The following BICDL2 variants were observed in gnomAD, a reference collection of about 807,000 sequenced individuals.
BICDL2 encodes BICD family-like cargo adapter 2.
A neutral mutation model predicts 56.6 loss-of-function variants in BICDL2; 62 were observed. The observed-to-expected ratio is 1.10, with a 90% CI of 0.89 to 1.35. The LOEUF (loss-of-function observed/expected upper bound fraction) is 1.35. BICDL2 is among the 40% of genes most tolerant of loss of function. The pLI, the probability that BICDL2 is intolerant of heterozygous loss-of-function variation, is 0.00. For missense variants in BICDL2, 808 were observed against 684.5 expected (o/e 1.18, Z -2.01); for synonymous variants, 358 against 319.8 (o/e 1.12, Z -1.27).
At chr16:3,031,638 G>C (rs1476062033) in intron 2 of BICDL2, 1 of 403,538 alleles carries the variant, frequency 2.5e-6, no homozygotes, top group East Asian at 3.5e-5. Context: ...ACCAGCGGGG[G>C]AATGCCCTGG....
At position 3,030,650 on chromosome 16, in the gene BICDL2, C is replaced by G. The variant is rs201834174; in HGVS notation, c.615+46G>C. 1,333 of 1,594,526 alleles carry G rather than the reference C, an allele frequency of 8.4e-4. 1 individual carries two copies. The highest frequency in any genetic ancestry group is 1.1e-3 in the African/African-American group (85 of 74,572). On this transcript the variant is annotated intron_variant, in intron 4 of 9. Coordinates refer to ENST00000572449, the MANE Select transcript of BICDL2 (RefSeq NM_001369667.1). ...GGGCAGCCCCTCCCAGCCCTCAGCC[C>G]GGCTTTTTTGGCTCAGATAATCCCC...
In BICDL2 at chr16:3,028,126, T is replaced by C. The variant is rs1484064005; in HGVS notation, c.1507A>G (p.Asn503Asp). The C allele has an allele frequency of 6.9e-7, 1 of 1,440,898 alleles. No homozygotes were observed. Among genetic ancestry groups the C allele is most frequent in the Non-Finnish European group, 9.1e-7 (1 of 1,104,182 alleles). The allele number at this position is 1,440,898 out of a possible 1,614,324, so 89.3% of individuals were successfully genotyped here. ...AGCCGTCAGGTCCTTCGGAAGAGGT[T>C]ACTGAGAAAGCCACCGGCGGGCCCG... ...GPGPAGGFLS[N>D]LFRRT Residue 503 changes from asparagine (N) to aspartate (D), a missense_variant, in exon 10 of 10, where the codon AAC becomes GAC. Coordinates refer to ENST00000572449, the MANE Select transcript of BICDL2 (RefSeq NM_001369667.1).
At position 3,030,550 on chromosome 16, in the gene BICDL2, G is replaced by A. The variant is rs752116624; in HGVS notation, c.661C>T (p.Arg221Ter). Residue 221 changes from arginine (R) to a stop codon, truncating the protein, a stop_gained, in exon 5 of 10, where the codon CGA becomes TGA. Coordinates refer to ENST00000572449, the MANE Select transcript of BICDL2 (RefSeq NM_001369667.1). LOFTEE classifies it high-confidence loss of function. ...SRRQDLEAQI[R>*]GLREEVEKGE... ...TTCTCCACCTCCTCACGCAGGCCTC[G>A]GATCTGGGCCTCCAGGTCCTGCCGG... 10 of 1,598,374 alleles carry A rather than the reference G, an allele frequency of 6.3e-6. No individual in the cohort carries two copies. Among genetic ancestry groups the A allele is most frequent in the African/African-American group, 1.3e-5 (1 of 74,758 alleles).
intron 1 of BICDL2, 29 bp from the exon 2 acceptor site, chr16:3,035,555 C>A (rs1955723615): frequency 1.3e-6 from 2 of 1,534,770 alleles, no homozygotes; most frequent in South Asian, 2.4e-5. Flanking sequence ...TGCAGCCTGA[C>A]AGGGGCTCAC....
At chr16:3,029,155 T>G in intron 7 of BICDL2, 125 bp downstream of exon 7, 2 of 1,230,510 alleles carry the variant, frequency 1.6e-6, no homozygotes, top group Non-Finnish European at 2.3e-6. Flanking sequence ...TTGAAGTAAG[T>G]TTGTTGAGAT....
chr16:3,035,176 T>TGGGG, intron 2 of BICDL2, 39 bp downstream of exon 2: 1 of 136,272 alleles, frequency 7.3e-6, no homozygotes, highest in Non-Finnish European at 1.4e-5. Context: ...CGTCCTCCCC[T>TGGGG]GCCCACCCAC....
At position 3,029,530 on chromosome 16, in the gene BICDL2, G is replaced by A; in HGVS notation, c.957+15C>T. ...CGATGGCACAGGTAAGGGGGCTGGG[G>A]CCCCACGAGCTCACCGGGGTGTCTC... On this transcript the variant is annotated intron_variant, in intron 6 of 9. Transcript: ENST00000572449. 6.4e-7 allele frequency: 1 copy of A among 1,555,662 alleles called. No homozygotes were observed. Among genetic ancestry groups the A allele is most frequent in the Non-Finnish European group, 8.6e-7 (1 of 1,156,776 alleles).
intron 2 of BICDL2, among the ~76,000 whole-genome samples, chr16:3,034,054 G>T (rs2526276): frequency 0.59 from 90,260 of 151,876 alleles, 27,124 homozygotes; most frequent in Non-Finnish European, 0.62. Flanking sequence ...AGAGCAAGAA[G>T]TGGGCCAAAA....
chr16:3,029,978 C>G, intron 5 of BICDL2: 1 of 532,694 alleles, frequency 1.9e-6, no homozygotes, highest in East Asian at 3.3e-5. Flanking sequence ...CTCCCCTGCC[C>G]AGTCTACCTC....
At chr16:3,028,566 A>G in intron 8 of BICDL2, 98 bp from the exon 9 acceptor site, 1 of 1,533,040 alleles carries the variant, frequency 6.5e-7, no homozygotes, top group Non-Finnish European at 8.7e-7. Context: ...GGAGGGCTGC[A>G]AACACCTAGA....
chr16:3,030,560 C>T lies in BICDL2; in HGVS notation c.651G>A (p.Glu217=), dbSNP rs1596482427. The change falls in exon 5 of 10, where the codon GAG becomes GAA. Residue 217 remains glutamate (E), a synonymous_variant. Coordinates refer to ENST00000572449, the MANE Select transcript of BICDL2 (RefSeq NM_001369667.1). The part of the protein sequence containing the change: ...QMLQSRRQDL[E]AQIRGLREEV... ...CCTCACGCAGGCCTCGGATCTGGGC[C>T]TCCAGGTCCTGCCGGCGGCTCTGCA... 2.5e-6 allele frequency: 4 copies of T among 1,598,034 alleles called. No individual in the cohort carries two copies. The South Asian group carries it at 3.4e-5, about 13-fold the overall frequency.
intron 1 of BICDL2, 157 bp downstream of exon 1, chr16:3,036,737 C>T: frequency 2.5e-6 from 1 of 408,162 alleles, no homozygotes; most frequent in Non-Finnish European, 4.8e-6. Flanking sequence ...GCTGGGCTCA[C>T]CCCCGACGGC....
rs182839280 is a variant in BICDL2 at position 3,036,391 on chromosome 16, G to A, written c.-31+503C>T. On this transcript the variant is annotated intron_variant, in intron 1 of 9. Coordinates refer to ENST00000572449, the MANE Select transcript of BICDL2 (RefSeq NM_001369667.1). Reference sequence around the variant, plus strand: ...GGCGGCTCAGGGGCTGGGGTTCAGGGGCTCGGGTCAGAGGGCCCGACACAA... The same window carrying A: ...GGCGGCTCAGGGGCTGGGGTTCAGGAGCTCGGGTCAGAGGGCCCGACACAA... 1.8e-5 allele frequency: 8 copies of A among 452,572 alleles called. No individual in the cohort carries two copies. In the East Asian group the frequency reaches 5.6e-4, roughly 32 times the overall value. The allele number at this position is 452,572 out of a possible 1,614,324, so 28.0% of individuals were successfully genotyped here.
intron 7 of BICDL2, 130 bp downstream of exon 7, chr16:3,029,145 TTGAAG>T (rs1955609181): frequency 8.7e-7 from 1 of 1,152,490 alleles, no homozygotes; most frequent in Non-Finnish European, 1.2e-6. Context: ...AGGCTGGCTC[TTGAAG>T]TAAGTTTGTT....
In BICDL2 at chr16:3,030,615, C is replaced by G. The variant is rs747012765; in HGVS notation, c.616-20G>C. On this transcript the variant is annotated intron_variant, in intron 4 of 9. Transcript: ENST00000572449. Reference sequence around the variant, plus strand: ...CTGGTTCTGGGGAAAGGCCTGAGAGCTGGGGACAGGGGCAGCCCCTCCCAG... The same window carrying G: ...CTGGTTCTGGGGAAAGGCCTGAGAGGTGGGGACAGGGGCAGCCCCTCCCAG... 1.9e-6 allele frequency: 3 copies of G among 1,596,312 alleles called. No homozygotes were observed. In the East Asian group the frequency reaches 6.8e-5, roughly 36 times the overall value.
chr16:3,030,077 C>T (rs933895739), intron 5 of BICDL2: 14 of 456,162 alleles, frequency 3.1e-5, no homozygotes, highest in African/African-American at 2.7e-4. Flanking sequence ...CACCGGGATG[C>T]GAAGGAAGGC....
intron 5 of BICDL2, chr16:3,030,099 A>C (rs372375652): frequency 2.2e-6 from 1 of 454,848 alleles, no homozygotes. Context: ...AGCTGACCCC[A>C]AAGTGCAGAC....
Position 3,030,941 on chromosome 16 carries a change from C to T in BICDL2, c.492G>A (p.Leu164=), listed in dbSNP as rs767226956. 8 of 1,547,268 alleles carry T rather than the reference C, an allele frequency of 5.2e-6. No homozygotes were observed. In the Admixed American group the frequency reaches 1.4e-4, roughly 26 times the overall value. ...GGGGTCAGGGCCATCCCACCTGAGC[C>T]AGCTGCTGGCTGAGCCGGAGGTTCT... ...SEQNLRLSQQ[L]AQASQTEQEL... is the part of the protein sequence containing the mutation. The change falls in exon 3 of 10, where the codon CTG becomes CTA. Residue 164 remains leucine, a synonymous_variant. Transcript: ENST00000572449.
intron 2 of BICDL2, chr16:3,032,394 A>T (rs567382876): frequency 2.0e-5 from 3 of 152,316 alleles, no homozygotes; most frequent in East Asian, 3.9e-4. Flanking sequence ...GCCTGGACAC[A>T]ATATCTCTAA....
Sources: allele counts gnomAD v4.1 joint callset (sites outside exome capture counted in the v4.1 genomes callset), GRCh38; gene constraint gnomAD v4.1.1; transcripts MANE v1.5; gene names NCBI Gene and HGNC (gene_info 2026-07-23, HGNC 2026-07-21).